ADAMTS12: variants seen among roughly 807,000 people sequenced by gnomAD.
ADAMTS12 encodes the protein ADAM metallopeptidase with thrombospondin type 1 motif 12, also known as A disintegrin and metalloproteinase with thrombospondin motifs 12.
Under a neutral mutation model 167.8 loss-of-function variants are expected in ADAMTS12, and 118 were observed. The ratio of observed to expected loss-of-function variants is 0.70; its 90% CI spans 0.61 to 0.82. ADAMTS12 has a LOEUF of 0.82. Ranked by LOEUF, ADAMTS12 falls within the 40% of genes least tolerant of loss-of-function variation. The pLI is 0.00. For missense variants in ADAMTS12, 1,916 were observed against 1,998.8 expected (o/e 0.96, Z 0.79); for synonymous variants, 704 against 716.9 (o/e 0.98, Z 0.29).
intron 20 of ADAMTS12, among the ~76,000 whole-genome samples, chr5:33,549,634 C>G (rs569218611): frequency 2.6e-5 from 4 of 152,222 alleles, no homozygotes; most frequent in African/African-American, 9.6e-5. Context: ...CACTGAAGTA[C>G]GCTGAGCCTC....
rs148897881 is a variant in ADAMTS12, at chr5:33,762,869, A to T, written c.490-11321T>A. Among the ~76,000 whole-genome samples the T allele has an allele frequency of 3.7e-3, 571 of 152,300 alleles. 9 individuals are homozygous for T. The highest frequency in any genetic ancestry group is 0.013 in the African/African-American group (558 of 41,570). ...GAGGACGGGAGCTGAAGCAATACAC[A>T]CCAGGAACCTCTTTTTCTCTTTAAG... is the stretch of plus-strand genomic sequence containing the variant. On this transcript the variant is annotated intron_variant, in intron 2 of 23. Transcript: ENST00000504830.
rs113941167 is a variant in ADAMTS12, at chr5:33,875,825, A to G, written c.489+5294T>C. 7.0e-3 allele frequency among the ~76,000 whole-genome samples: 1,061 copies of G among 152,314 alleles called. 4 individuals are homozygous for G. The highest frequency in any genetic ancestry group is 0.011 in the Non-Finnish European group (720 of 68,012). On this transcript the variant is annotated intron_variant, in intron 2 of 23. Coordinates refer to ENST00000504830, the MANE Select transcript of ADAMTS12 (RefSeq NM_030955.4). ...TCTAGCCAAAGTAATAAAGCAAGAA[A>G]AGAAAGTTGAAAGGCATATGAAGAG...
chr5:33,840,181 C>T (rs1337558737), intron 2 of ADAMTS12: 1 of 152,208 alleles, frequency 6.6e-6, no homozygotes, highest in Non-Finnish European at 1.5e-5. Context: ...GCAGGGTGAT[C>T]TCTGGCCAGG....
chr5:33,771,167 A>G (rs976271665), intron 2 of ADAMTS12, among the ~76,000 whole-genome samples: 4 of 152,212 alleles, frequency 2.6e-5, no homozygotes, highest in South Asian at 2.1e-4. Context: ...ATTGCATACA[A>G]TGCTACCCAA....
intron 2 of ADAMTS12, among the ~76,000 whole-genome samples, chr5:33,832,445 C>A (rs574167068): frequency 1.3e-5 from 2 of 152,258 alleles, no homozygotes; most frequent in South Asian, 4.1e-4. Flanking sequence ...CTTAAAGTCA[C>A]TATATGAAAA....
At chr5:33,530,367 G>T (rs549941442) in intron 23 of ADAMTS12, among the ~76,000 whole-genome samples, 1 of 152,226 alleles carries the variant, frequency 6.6e-6, no homozygotes. Context: ...GTTGTTCACT[G>T]GACCTGGGCC....
In ADAMTS12 at chr5:33,524,742, G is replaced by C. The variant is rs1003195198; in HGVS notation, c.*2446C>G. 6.6e-6 allele frequency: 1 copy of C among 152,194 alleles called. No homozygotes were observed. The highest frequency in any genetic ancestry group is 1.5e-5 in the Non-Finnish European group (1 of 68,046). 9.4% of individuals were successfully genotyped at this position (152,194 alleles called of 1,614,324 possible). On this transcript the variant is annotated 3_prime_UTR_variant, in exon 24 of 24. Transcript: ENST00000504830. ...CAGCAAGCCCTGTCTTCATTCTGGAGTCAAGAATGATGGACATCACACAGC... is the reference window on the plus strand; with the variant it reads ...CAGCAAGCCCTGTCTTCATTCTGGACTCAAGAATGATGGACATCACACAGC...
At chr5:33,722,427 A>T (rs74756376) in intron 3 of ADAMTS12, among the ~76,000 whole-genome samples, 2,396 of 152,314 alleles carry the variant, frequency 0.016, 61 homozygotes, top group African/African-American at 0.055. Context: ...TCACCCTATA[A>T]GGTAGACATT....
Position 33,802,802 on chromosome 5 carries a change from G to A in ADAMTS12, c.490-51254C>T, listed in dbSNP as rs114847567. On this transcript the variant is annotated intron_variant, in intron 2 of 23. Transcript: ENST00000504830. The stretch of plus-strand genomic sequence containing the variant: ...GCAATAGCAGTCCTCTATGGGAGAC[G>A]TAATACAGTTGCTATTATTAGGCAA... Among the ~76,000 whole-genome samples the A allele has an allele frequency of 3.8e-3, 575 of 152,242 alleles. 5 individuals carry two copies. Among genetic ancestry groups the A allele is most frequent in the African/African-American group, 0.013 (544 of 41,474 alleles).
At position 33,595,958 on chromosome 5, in the gene ADAMTS12, C is replaced by T; in HGVS notation, c.2630G>A (p.Cys877Tyr). The change falls in exon 17 of 24, where the codon TGC (cysteine) becomes TAC (tyrosine). Residue 877 changes from cysteine to tyrosine, a missense_variant. Physicochemically the swap from Cys to Tyr is radical, Grantham distance 194 (BLOSUM62 -2). Coordinates refer to ENST00000504830, the MANE Select transcript of ADAMTS12 (RefSeq NM_030955.4). The part of the protein sequence containing the change: ...ETQPNGRQKK[C>Y]HEKACPPRWW... ...CCTGGGTGGACAAGCCTTTTCATGG[C>T]ACTTCTTCTGTCTCCCATTGGGCTG... is the stretch of plus-strand genomic sequence containing the variant. 6.2e-7 allele frequency: 1 copy of T among 1,614,148 alleles called. No individual in the cohort carries two copies. Among genetic ancestry groups the T allele is most frequent in the Non-Finnish European group, 8.5e-7 (1 of 1,179,978 alleles).
At chr5:33,570,235 A>G (rs1325099226) in intron 19 of ADAMTS12, among the ~76,000 whole-genome samples, 2 of 152,208 alleles carry the variant, frequency 1.3e-5, no homozygotes, top group African/African-American at 4.8e-5. Context: ...AGATTCAGGA[A>G]ATACAGAGAA....
At chr5:33,855,273 A>G (rs1749356947) in intron 2 of ADAMTS12, among the ~76,000 whole-genome samples, 1 of 152,252 alleles carries the variant, frequency 6.6e-6, no homozygotes, top group African/African-American at 2.4e-5. Context: ...GATGGCACAC[A>G]TTTTAAATGT....
At chr5:33,859,646 T>C (rs1749529046) in intron 2 of ADAMTS12, among the ~76,000 whole-genome samples, 1 of 152,204 alleles carries the variant, frequency 6.6e-6, no homozygotes, top group Non-Finnish European at 1.5e-5. Context: ...CCCAGCACAG[T>C]GCTCAAGCTC....
intron 5 of ADAMTS12, among the ~76,000 whole-genome samples, chr5:33,670,729 C>T (rs890826150): frequency 3.3e-5 from 5 of 152,104 alleles, no homozygotes; most frequent in African/African-American, 9.7e-5. Flanking sequence ...ACGGCAAAAG[C>T]GAGACTCTAT....
chr5:33,823,761 G>GT (rs1327134755), intron 2 of ADAMTS12, among the ~76,000 whole-genome samples: 2 of 151,754 alleles, frequency 1.3e-5, no homozygotes, highest in African/African-American at 4.8e-5. Flanking sequence ...AATAAAATAT[G>GT]TTGTATGTCT....
intron 5 of ADAMTS12, among the ~76,000 whole-genome samples, chr5:33,678,002 C>G (rs1741981427): frequency 6.6e-6 from 1 of 152,048 alleles, no homozygotes. Flanking sequence ...GAAACCACCG[C>G]AGAAAAATAA....
chr5:33,879,296 T>C (rs1043258958), intron 2 of ADAMTS12, among the ~76,000 whole-genome samples: 1 of 152,000 alleles, frequency 6.6e-6, no homozygotes, highest in African/African-American at 2.4e-5. Flanking sequence ...CCCCATTCAA[T>C]GTGATGTTGA....
At position 33,549,392 on chromosome 5, in the gene ADAMTS12, A is replaced by G; in HGVS notation, c.4126-9T>C. On this transcript the variant is annotated splice_polypyrimidine_tract_variant and intron_variant, in intron 20 of 23. Coordinates refer to ENST00000504830, the MANE Select transcript of ADAMTS12 (RefSeq NM_030955.4). ...CTGCAGTTTCTGGAGCACTGTATGG[A>G]GAGAAAAATCAAAGGCGATCTCTGA... The G allele has an allele frequency of 6.2e-7, 1 of 1,603,424 alleles. No individual in the cohort carries two copies. The highest frequency in any genetic ancestry group is 8.5e-7 in the Non-Finnish European group (1 of 1,171,256).
intron 2 of ADAMTS12, among the ~76,000 whole-genome samples, chr5:33,870,141 C>T (rs2111731326): frequency 6.6e-6 from 1 of 152,234 alleles, no homozygotes; most frequent in South Asian, 2.1e-4. Context: ...TTATCCTGTT[C>T]TTTTTTCAAG....
Sources: gnomAD v4.1 joint callset for allele counts (sites outside exome capture counted in the v4.1 genomes callset) on GRCh38, gnomAD v4.1.1 for gene constraint, MANE v1.5 for transcripts, NCBI Gene and HGNC (gene_info 2026-07-23, HGNC 2026-07-21) for gene names.